B3GALT1: variants seen among roughly 807,000 people sequenced by gnomAD.
B3GALT1 encodes the protein beta-1,3-galactosyltransferase 1.
A neutral mutation model predicts 23.2 loss-of-function variants in B3GALT1; 10 were observed. The observed-to-expected ratio is 0.43, with a 90% CI of 0.27 to 0.73. B3GALT1 has a LOEUF of 0.73. Ranked by LOEUF, B3GALT1 falls within the 30% of genes least tolerant of loss-of-function variation. The probability of loss-of-function intolerance (pLI) is 0.21; values close to 1 mark genes in which losing one functional copy is unlikely to be tolerated. For missense variants in B3GALT1, 299 were observed against 405.4 expected (o/e 0.74, Z 2.25); for synonymous variants, 156 against 141.5 (o/e 1.10, Z -0.73).
At chr2:167,315,564 T>C (rs955081143) in intron 1 of B3GALT1, among the ~76,000 whole-genome samples, 1 of 152,180 alleles carries the variant, frequency 6.6e-6, no homozygotes, top group African/African-American at 2.4e-5. Flanking sequence ...GGAAGTAGCA[T>C]CTTAACCTAG....
At chr2:167,602,419 C>T (rs1293933937) in intron 2 of B3GALT1, among the ~76,000 whole-genome samples, 1 of 152,114 alleles carries the variant, frequency 6.6e-6, no homozygotes, top group East Asian at 1.9e-4. Context: ...GAACTAAAAC[C>T]ACTTTAGAAA....
At chr2:167,612,367 TTTATTA>T (rs3062675) in intron 2 of B3GALT1, among the ~76,000 whole-genome samples, 13 of 145,134 alleles carry the variant, frequency 9.0e-5, no homozygotes, top group Non-Finnish European at 1.5e-4. Flanking sequence ...TTATTAGGCC[TTTATTA>T]TTATTATTAT....
chr2:167,296,376 A>T (rs1696350332), intron 1 of B3GALT1, among the ~76,000 whole-genome samples: 2 of 152,328 alleles, frequency 1.3e-5, no homozygotes, highest in South Asian at 4.1e-4. Context: ...ATTAATAGTG[A>T]AATCATTCTT....
At chr2:167,358,416 T>C (rs775628924) in intron 1 of B3GALT1, among the ~76,000 whole-genome samples, 2 of 152,216 alleles carry the variant, frequency 1.3e-5, no homozygotes, top group Non-Finnish European at 2.9e-5. Context: ...ACATTCTACT[T>C]GATAGATCTT....
chr2:167,642,740 G>T (rs1685675177), intron 2 of B3GALT1, among the ~76,000 whole-genome samples: 1 of 152,078 alleles, frequency 6.6e-6, no homozygotes, highest in South Asian at 2.1e-4. Context: ...TTGTTGAGTT[G>T]TTGTGGTGGT....
rs112936870 is a variant in B3GALT1 at position 167,386,695 on chromosome 2, AC to A, written c.-511+93362del. Among the ~76,000 whole-genome samples the A allele has an allele frequency of 2.0e-5, 3 of 152,332 alleles. 1 individual carries two copies. The highest frequency in any genetic ancestry group is 7.2e-5 in the African/African-American group (3 of 41,580). Reference sequence around the variant, plus strand: ...AAAGTCCATACAGTATCAGTGTCTGACATGCAAATTCAGCTTTCCAGTCAGG... The same window carrying A: ...AAAGTCCATACAGTATCAGTGTCTGAATGCAAATTCAGCTTTCCAGTCAGG... On this transcript the variant is annotated intron_variant, in intron 1 of 4. Coordinates refer to ENST00000392690, the MANE Select transcript of B3GALT1 (RefSeq NM_020981.4).
chr2:167,664,218 A>T (rs1686128792), intron 3 of B3GALT1, among the ~76,000 whole-genome samples: 1 of 150,684 alleles, frequency 6.6e-6, no homozygotes, highest in Admixed American at 6.6e-5. Context: ...TTAAATAGGG[A>T]ATCCTTTCCC....
chr2:167,852,489 TGTGTGTGTGTGTGTGTAC>T (rs1689922059), intron 4 of B3GALT1, among the ~76,000 whole-genome samples: 1 of 151,970 alleles, frequency 6.6e-6, no homozygotes, highest in Non-Finnish European at 1.5e-5. Context: ...TGTGTGTGTG[TGTGTGTGTGTGTGTGTAC>T]GTGCTTATCA....
intron 3 of B3GALT1, among the ~76,000 whole-genome samples, chr2:167,811,743 T>C (rs1409274308): frequency 6.6e-6 from 1 of 152,218 alleles, no homozygotes; most frequent in Non-Finnish European, 1.5e-5. Context: ...TTCCCTGTTA[T>C]GCCTCTCTGG....
At chr2:167,512,524 ATGTG>A (rs750563862) in intron 2 of B3GALT1, among the ~76,000 whole-genome samples, 6 of 140,496 alleles carry the variant, frequency 4.3e-5, no homozygotes, top group South Asian at 2.2e-4. Context: ...ATACATATAT[ATGTG>A]TGTGTGTATA....
chr2:167,413,260 T>C (rs1323381064), intron 1 of B3GALT1, among the ~76,000 whole-genome samples: 2 of 152,074 alleles, frequency 1.3e-5, no homozygotes, highest in Admixed American at 6.5e-5. Flanking sequence ...GTACTGAGGC[T>C]ATTTAATTGA....
chr2:167,866,970 A>G (rs1690232138), intron 4 of B3GALT1, among the ~76,000 whole-genome samples: 1 of 151,962 alleles, frequency 6.6e-6, no homozygotes, highest in Non-Finnish European at 1.5e-5. Flanking sequence ...TTTGTCGCCC[A>G]GGCTGGAGTG....
intron 3 of B3GALT1, among the ~76,000 whole-genome samples, chr2:167,685,705 GGT>G (rs2105496836): frequency 6.6e-6 from 1 of 152,302 alleles, no homozygotes; most frequent in Non-Finnish European, 1.5e-5. Context: ...TGTGGACCAA[GGT>G]GAAGAGTTTG....
intron 2 of B3GALT1, among the ~76,000 whole-genome samples, chr2:167,540,972 C>G (rs1683525083): frequency 6.6e-6 from 1 of 151,290 alleles, no homozygotes; most frequent in Admixed American, 6.6e-5. Flanking sequence ...TAAAAGCATG[C>G]TTTGTTTGGA....
intron 3 of B3GALT1, among the ~76,000 whole-genome samples, chr2:167,716,240 C>T (rs1278735577): frequency 6.6e-6 from 1 of 152,224 alleles, no homozygotes; most frequent in Non-Finnish European, 1.5e-5. Flanking sequence ...ACAGGCCTCA[C>T]AGGCCCGTGC....
rs1365137046 is a variant in B3GALT1, at chr2:167,521,941, TAATG to T, written c.-410+31667_-410+31670del. ...AAAGCAATATTAACTTTTTATAAAT[TAATG>T]AAAATAGACATTACCAACATATATG... is the stretch of plus-strand genomic sequence containing the variant. On this transcript the variant is annotated intron_variant, in intron 2 of 4. Coordinates refer to ENST00000392690, the MANE Select transcript of B3GALT1 (RefSeq NM_020981.4). Among the ~76,000 whole-genome samples the T allele has an allele frequency of 4.8e-5, 7 of 147,316 alleles. No individual in the cohort carries two copies. In the East Asian group the frequency reaches 1.4e-3, roughly 30 times the overall value.
chr2:167,473,903 A>C (rs1258443878), intron 1 of B3GALT1, among the ~76,000 whole-genome samples: 1 of 152,210 alleles, frequency 6.6e-6, no homozygotes, highest in East Asian at 1.9e-4. Flanking sequence ...GAAGTAATAA[A>C]TGTTCCACCC....
chr2:167,665,512 T>C (rs1429049711), intron 3 of B3GALT1, among the ~76,000 whole-genome samples: 1 of 151,352 alleles, frequency 6.6e-6, no homozygotes, highest in Non-Finnish European at 1.5e-5. Flanking sequence ...CTTTTTCTAT[T>C]GATTGGAATA....
At chr2:167,365,033 T>G (rs1035705418) in intron 1 of B3GALT1, among the ~76,000 whole-genome samples, 2 of 152,166 alleles carry the variant, frequency 1.3e-5, no homozygotes, top group Non-Finnish European at 2.9e-5. Context: ...ACAATAAAAA[T>G]GTGTACTGTA....
Sources: allele counts gnomAD v4.1 joint callset (sites outside exome capture counted in the v4.1 genomes callset), GRCh38; gene constraint gnomAD v4.1.1; transcripts MANE v1.5; gene names NCBI Gene and HGNC (gene_info 2026-07-23, HGNC 2026-07-21).